The following RPF2 variants were observed in gnomAD, a reference collection of about 807,000 sequenced individuals.
RPF2 encodes the protein ribosome production factor 2 homolog.
Under a neutral mutation model 38.9 loss-of-function variants are expected in RPF2, and 21 were observed. The ratio of observed to expected loss-of-function variants is 0.54; its 90% CI spans 0.38 to 0.78. The LOEUF is 0.78. Among genes scored for constraint, RPF2 ranks in the 30% least tolerant of loss-of-function variants. The probability of loss-of-function intolerance (pLI) is 0.00; values close to 1 mark genes in which losing one functional copy is unlikely to be tolerated. For synonymous variants in RPF2, 121 were observed against 126.2 expected (o/e 0.96, Z 0.28); for missense variants, 314 against 358.1 (o/e 0.88, Z 0.99).
rs1554250324 is a variant in RPF2, at chr6:111,016,688, T to TTC, written c.596+833_596+834insCT. Among the ~76,000 whole-genome samples, 32 of 99,986 alleles carry TTC rather than the reference T, an allele frequency of 3.2e-4. 1 individual carries two copies. The highest frequency in any genetic ancestry group is 1.2e-3 in the Admixed American group (13 of 11,264). The allele number at this position is 99,986 out of a possible 152,430, so 65.6% of individuals were successfully genotyped here. A position where few individuals can be genotyped will look rare whatever the true frequency, so the allele number is the denominator to read the frequency against. ...TGTGGTTCTTTTTTTTTTTTCTTTC[T>TTC]TTTTTTTTTTTTTAATTGATCATTC... On this transcript the variant is annotated intron_variant, in intron 8 of 9. Transcript: ENST00000441448.
chr6:110,984,934 T>C (rs1027364560), intron 1 of RPF2, 72 bp from the exon 2 acceptor site: 2 of 1,406,712 alleles, frequency 1.4e-6, no homozygotes, highest in African/African-American at 2.9e-5. Context: ...AGAATTTTCA[T>C]ATTAGTTAAG....
intron 5 of RPF2, among the ~76,000 whole-genome samples, chr6:110,999,004 T>C (rs1364201266): frequency 6.6e-6 from 1 of 151,622 alleles, no homozygotes; most frequent in African/African-American, 2.4e-5. Flanking sequence ...CATATAAATA[T>C]GACCCTACCA....
In RPF2 at chr6:110,993,108, G is replaced by A. The variant is rs367652146; in HGVS notation, c.234+1322G>A. 1.3e-3 allele frequency among the ~76,000 whole-genome samples: 195 copies of A among 152,094 alleles called. 1 individual carries two copies. The highest frequency in any genetic ancestry group is 4.2e-3 in the African/African-American group (173 of 41,494). On this transcript the variant is annotated intron_variant, in intron 4 of 9. Coordinates refer to ENST00000441448, the MANE Select transcript of RPF2 (RefSeq NM_032194.3). ...AGCAGGGACTGCAGGTGCACGACAC[G>A]ATGCCTGGCTAATTTTTGTAGAGAT...
Position 111,025,731 on chromosome 6 carries a change from A to C in RPF2, c.*149A>C. The C allele has an allele frequency of 5.2e-6, 3 of 573,772 alleles. No homozygotes were observed. Among genetic ancestry groups the C allele is most frequent in the Non-Finnish European group, 8.7e-6 (3 of 344,460 alleles). The allele number at this position is 573,772 out of a possible 1,614,324, so 35.5% of individuals were successfully genotyped here. On this transcript the variant is annotated 3_prime_UTR_variant, in exon 10 of 10. Transcript: ENST00000441448. ...ATATTATTATGAACAGTAATATACTAGTATTAAGTGTAAAGTAAGCCTTTT... is the reference window on the plus strand; with the variant it reads ...ATATTATTATGAACAGTAATATACTCGTATTAAGTGTAAAGTAAGCCTTTT...
chr6:110,999,396 C>T (rs187171631), intron 5 of RPF2, among the ~76,000 whole-genome samples: 2 of 152,166 alleles, frequency 1.3e-5, no homozygotes, highest in Admixed American at 6.5e-5. Flanking sequence ...GAAAAAGAAC[C>T]TTTACCTCAG....
In RPF2 at chr6:111,026,086, G is replaced by A. The variant is rs1772323263; in HGVS notation, c.*504G>A. 6.6e-6 allele frequency: 1 copy of A among 152,408 alleles called. No homozygotes were observed. The highest frequency in any genetic ancestry group is 1.5e-5 in the Non-Finnish European group (1 of 68,262). 9.4% of individuals were successfully genotyped at this position (152,408 alleles called of 1,614,324 possible). On this transcript the variant is annotated 3_prime_UTR_variant, in exon 10 of 10. Coordinates refer to ENST00000441448, the MANE Select transcript of RPF2 (RefSeq NM_032194.3). ...TAAGCTTTGTGGCTGAAAATATATA[G>A]ATCTCTGAGAGGGATGTCTGCTATC...
At chr6:111,016,231 C>A (rs902837016) in intron 8 of RPF2, among the ~76,000 whole-genome samples, 2 of 152,204 alleles carry the variant, frequency 1.3e-5, no homozygotes, top group East Asian at 3.8e-4. Context: ...TAAGAAGATT[C>A]AGTGGCTAGA....
intron 8 of RPF2, among the ~76,000 whole-genome samples, chr6:111,018,686 T>G (rs1242608861): frequency 2.0e-5 from 3 of 152,206 alleles, no homozygotes; most frequent in Non-Finnish European, 4.4e-5. Context: ...GCTTCTGTTT[T>G]TCTGTTTTCC....
Position 111,025,581 on chromosome 6 carries a change from G to C in RPF2, c.920G>C (p.Ter307SerextTer37), listed in dbSNP as rs1199385043. The C allele has an allele frequency of 6.2e-7, 1 of 1,603,248 alleles. No individual in the cohort carries two copies. Among genetic ancestry groups the C allele is most frequent in the Non-Finnish European group, 8.5e-7 (1 of 1,176,422 alleles). ...AAGTCAAAAAGAATTAAAAAAAATT[G>C]ATGGAACTTAGCCAGCCACTACTGT... Reference protein sequence around the residue: ...EKKSKRIKKN* With the variant: ...EKKSKRIKKNS The change falls in exon 10 of 10, where the codon TGA becomes TCA. Residue 307 changes from the stop codon to serine (S), a stop_lost. Coordinates refer to ENST00000441448, the MANE Select transcript of RPF2 (RefSeq NM_032194.3).
intron 8 of RPF2, among the ~76,000 whole-genome samples, chr6:111,019,245 G>A (rs1772185230): frequency 6.6e-6 from 1 of 152,116 alleles, no homozygotes. Context: ...TGGGTATGGT[G>A]GCGCACGCCT....
At position 111,027,849 on chromosome 6, in the gene RPF2, GTGT is replaced by G. The variant is rs1306734342; in HGVS notation, c.*2271_*2273del. 1 of 152,156 alleles carries G rather than the reference GTGT, an allele frequency of 6.6e-6. No homozygotes were observed. The highest frequency in any genetic ancestry group is 2.4e-5 in the African/African-American group (1 of 41,436). 9.4% of individuals were successfully genotyped at this position (152,156 alleles called of 1,614,324 possible). ...GACTTTTTGTTGAGAACACCTTGTA[GTGT>G]TGTACTATCTGGAACTCTTGAGCTG... On this transcript the variant is annotated 3_prime_UTR_variant, in exon 10 of 10. Coordinates refer to ENST00000441448, the MANE Select transcript of RPF2 (RefSeq NM_032194.3).
intron 7 of RPF2, among the ~76,000 whole-genome samples, chr6:111,011,304 C>CT (rs1454902179): frequency 3.5e-5 from 4 of 114,266 alleles, no homozygotes; most frequent in African/African-American, 1.2e-4. Context: ...TTCTTTCTTT[C>CT]TTTCTTTTTT....
chr6:111,022,457 C>G (rs1301110055), intron 8 of RPF2, among the ~76,000 whole-genome samples: 1 of 152,168 alleles, frequency 6.6e-6, no homozygotes, highest in Non-Finnish European at 1.5e-5. Flanking sequence ...GTTTGATCTT[C>G]CAGTAAACAT....
At chr6:111,016,610 A>AAAAC (rs1772114854) in intron 8 of RPF2, among the ~76,000 whole-genome samples, 1 of 151,018 alleles carries the variant, frequency 6.6e-6, no homozygotes, top group African/African-American at 2.5e-5. Flanking sequence ...CAAAAAACAA[A>AAAAC]AAACTCTTAA....
At chr6:110,996,801 C>T (rs958193574) in intron 4 of RPF2, among the ~76,000 whole-genome samples, 30 of 151,978 alleles carry the variant, frequency 2.0e-4, no homozygotes, top group African/African-American at 3.1e-4. Flanking sequence ...TTTTTTGTTT[C>T]GTTTTGTTTT....
chr6:111,020,342 T>C (rs931314701), intron 8 of RPF2, among the ~76,000 whole-genome samples: 5 of 152,180 alleles, frequency 3.3e-5, no homozygotes, highest in African/African-American at 4.8e-5. Flanking sequence ...CGGGTGGGTA[T>C]GTATGCCCTC....
At chr6:111,011,815 T>G (rs1424892789) in intron 7 of RPF2, among the ~76,000 whole-genome samples, 1 of 152,196 alleles carries the variant, frequency 6.6e-6, no homozygotes, top group Admixed American at 6.5e-5. Flanking sequence ...CTTCTCATTA[T>G]TTTGTGCTTC....
rs1772098348 is a variant in RPF2 at position 111,015,810 on chromosome 6, C to A, written c.550C>A (p.Leu184Met). ...NIRLAGLEYV[L>M]HFTALNGKIY... ...CCGCCTGGCTGGATTAGAGTATGTT[C>A]TGCACTTCACTGCACTGAATGGGAA... is the stretch of plus-strand genomic sequence containing the variant. The change falls in exon 8 of 10, where the codon CTG becomes ATG. Residue 184 changes from leucine to methionine, a missense_variant. Leu to Met is a conservative substitution (Grantham distance 15, BLOSUM62 2). Transcript: ENST00000441448. 1 of 1,612,884 alleles carries A rather than the reference C, an allele frequency of 6.2e-7. No individual in the cohort carries two copies.
chr6:110,994,965 C>T (rs992207541), intron 4 of RPF2, among the ~76,000 whole-genome samples: 5 of 152,070 alleles, frequency 3.3e-5, no homozygotes, highest in African/African-American at 9.6e-5. Flanking sequence ...AGTGCTATGG[C>T]GCCATCTCAG....
Sources: gnomAD v4.1 joint callset for allele counts (sites outside exome capture counted in the v4.1 genomes callset) on GRCh38, gnomAD v4.1.1 for gene constraint, MANE v1.5 for transcripts, NCBI Gene and HGNC (gene_info 2026-07-23, HGNC 2026-07-21) for gene names.